The following SH3BGRL2 variants were observed in gnomAD, a reference collection of about 807,000 sequenced individuals.
The protein encoded by SH3BGRL2 is SH3 domain binding glutamate rich protein like 2.
A neutral mutation model predicts 14.8 loss-of-function variants in SH3BGRL2; 21 were observed. The observed-to-expected ratio is 1.42, with a 90% CI of 1.01 to 2.05. The LOEUF is 2.05. Ranked by LOEUF, SH3BGRL2 falls within the 30% of genes most tolerant of loss-of-function variation. The pLI is 0.00. For synonymous variants in SH3BGRL2, 50 were observed against 47.8 expected, an observed-to-expected ratio of 1.05 and a Z score of -0.19; for missense variants, 147 against 130.8, an observed-to-expected ratio of 1.12 and a Z score of -0.61.
At chr6:79,609,374 G>T in the SH3BGRL2 span, among the ~76,000 whole-genome samples, 1 of 152,170 alleles carries the variant, frequency 6.6e-6, no homozygotes, top group African/African-American at 2.4e-5. Context: ...AGGAGGAATG[G>T]TCATGCCTGA....
chr6:79,653,363 A>G (rs1409736483), intron 1 of SH3BGRL2, among the ~76,000 whole-genome samples: 1 of 152,192 alleles, frequency 6.6e-6, no homozygotes, highest in Non-Finnish European at 1.5e-5. Context: ...CAGTCTTTAA[A>G]TCATCTGATT....
At chr6:79,666,965 T>C (rs1467582155) in intron 1 of SH3BGRL2, among the ~76,000 whole-genome samples, 3 of 152,200 alleles carry the variant, frequency 2.0e-5, no homozygotes, top group Non-Finnish European at 4.4e-5. Context: ...GCTAGTATGT[T>C]TGAGTGAATG....
At chr6:79,573,788 A>G in the SH3BGRL2 span, 1 of 152,092 alleles carries the variant, frequency 6.6e-6, no homozygotes, top group Admixed American at 6.5e-5. Flanking sequence ...AATGCAATTG[A>G]TTTTCATACA....
chr6:79,562,598 A>C, the SH3BGRL2 span, among the ~76,000 whole-genome samples: 1 of 152,290 alleles, frequency 6.6e-6, no homozygotes, highest in East Asian at 1.9e-4. Context: ...TTTCCAATAG[A>C]AACACACACA....
the SH3BGRL2 span, among the ~76,000 whole-genome samples, chr6:79,581,016 C>T: frequency 1.4e-3 from 220 of 152,196 alleles, 3 homozygotes; most frequent in African/African-American, 4.7e-3. Context: ...AACACCTCTA[C>T]GCAAATAAAC....
At chr6:79,591,686 C>T in the SH3BGRL2 span, among the ~76,000 whole-genome samples, 1 of 152,216 alleles carries the variant, frequency 6.6e-6, no homozygotes, top group African/African-American at 2.4e-5. Context: ...GATTAACAGG[C>T]GTGAGCCACT....
intron 1 of SH3BGRL2, among the ~76,000 whole-genome samples, chr6:79,662,552 G>A (rs1047349068): frequency 1.3e-5 from 2 of 152,104 alleles, no homozygotes; most frequent in African/African-American, 2.4e-5. Context: ...CAGGTAACCC[G>A]ACCTTTCTCT....
intron 2 of SH3BGRL2, among the ~76,000 whole-genome samples, chr6:79,690,979 G>A (rs901704337): frequency 6.6e-6 from 1 of 152,098 alleles, no homozygotes; most frequent in Non-Finnish European, 1.5e-5. Flanking sequence ...TGAATTTTTT[G>A]ATTTTTTTTC....
intron 2 of SH3BGRL2, among the ~76,000 whole-genome samples, chr6:79,677,572 G>C (rs1409092688): frequency 2.6e-5 from 4 of 152,182 alleles, no homozygotes; most frequent in Admixed American, 1.3e-4. Context: ...GCTGTGGCTG[G>C]TGTCCTTATG....
chr6:79,568,848 ATACT>A, the SH3BGRL2 span, among the ~76,000 whole-genome samples: 5 of 152,138 alleles, frequency 3.3e-5, no homozygotes, highest in Non-Finnish European at 2.9e-5. Flanking sequence ...TATATTGTAC[ATACT>A]TATTTTATAT....
At chr6:79,629,328 T>TTCC (rs1768780888), upstream of SH3BGRL2, among the ~76,000 whole-genome samples, 1 of 152,130 alleles carries the variant, frequency 6.6e-6, no homozygotes, top group Non-Finnish European at 1.5e-5. Flanking sequence ...CAGTTCCAAT[T>TTCC]CTGAATCTTT....
At chr6:79,694,549 C>T (rs1255496816) in intron 2 of SH3BGRL2, among the ~76,000 whole-genome samples, 2 of 152,164 alleles carry the variant, frequency 1.3e-5, no homozygotes, top group Non-Finnish European at 2.9e-5. Flanking sequence ...CGTACAAATT[C>T]CATGAAATCT....
the SH3BGRL2 span, among the ~76,000 whole-genome samples, chr6:79,589,961 C>T: frequency 0.011 from 1,691 of 151,812 alleles, 32 homozygotes; most frequent in African/African-American, 0.038. Flanking sequence ...TTTGTAGAGA[C>T]GTGGTTTGGC....
At chr6:79,645,122 C>T (rs916551249) in intron 1 of SH3BGRL2, among the ~76,000 whole-genome samples, 2 of 145,672 alleles carry the variant, frequency 1.4e-5, no homozygotes, top group African/African-American at 5.1e-5. Flanking sequence ...GAGATTGCAC[C>T]ACTGCACTCC....
the SH3BGRL2 span, among the ~76,000 whole-genome samples, chr6:79,588,541 CT>C: frequency 6.6e-6 from 1 of 152,164 alleles, no homozygotes; most frequent in African/African-American, 2.4e-5. Context: ...CCTGCATCTG[CT>C]GCTTCTCAAT....
chr6:79,640,629 G>GT (rs1227753875), intron 1 of SH3BGRL2, among the ~76,000 whole-genome samples: 1 of 151,928 alleles, frequency 6.6e-6, no homozygotes, highest in Admixed American at 6.6e-5. Context: ...CCAAGGGGTT[G>GT]TTTCCTGGAG....
chr6:79,664,244 G>T (rs1276450997), intron 1 of SH3BGRL2, among the ~76,000 whole-genome samples: 1 of 152,194 alleles, frequency 6.6e-6, no homozygotes, highest in Non-Finnish European at 1.5e-5. Flanking sequence ...CCTGTCTTCT[G>T]CATCGATCAC....
upstream of SH3BGRL2, among the ~76,000 whole-genome samples, chr6:79,628,252 C>T (rs994954695): frequency 6.6e-6 from 1 of 151,474 alleles, no homozygotes; most frequent in African/African-American, 2.4e-5. Flanking sequence ...TAACCTTATA[C>T]TTTCAAATTT....
intron 2 of SH3BGRL2, among the ~76,000 whole-genome samples, chr6:79,683,742 C>T (rs566383003): frequency 1.3e-5 from 2 of 152,306 alleles, no homozygotes; most frequent in Admixed American, 1.3e-4. Flanking sequence ...CCACCGTGCT[C>T]GGCCGTAAAC....
Sources: allele counts gnomAD v4.1 joint callset (sites outside exome capture counted in the v4.1 genomes callset), GRCh38; gene constraint gnomAD v4.1.1; transcripts MANE v1.5; gene names NCBI Gene and HGNC (gene_info 2026-07-23, HGNC 2026-07-21).